RTL9: variants seen among roughly 807,000 people sequenced by gnomAD.
The protein encoded by RTL9 is retrotransposon Gag like 9.
RTL9 carries 19 observed loss-of-function variants against 44.7 expected under a neutral mutation model. That is an observed-to-expected ratio of 0.42 (90% CI 0.30 to 0.62). RTL9 has a LOEUF of 0.62. Among genes scored for constraint, RTL9 ranks in the 20% least tolerant of loss-of-function variants. RTL9 has a pLI of 0.16. For synonymous variants in RTL9, 407 were observed against 398.9 expected, an observed-to-expected ratio of 1.02 and a Z score of -0.24; for missense variants, 1,105 against 1,080.6, an observed-to-expected ratio of 1.02 and a Z score of -0.32.
chrX:110,416,602 AC>A (rs2068679311), upstream of RTL9, among the ~76,000 whole-genome samples: 1 of 111,243 alleles, frequency 9.0e-6, no homozygotes, highest in East Asian at 2.8e-4. Context: ...TTAGCATGCT[AC>A]CCCCTGTGCC....
intron 1 of RTL9, among the ~76,000 whole-genome samples, chrX:110,395,328 CAA>C (rs901267547): frequency 7.1e-5 from 8 of 112,218 alleles, no homozygotes; most frequent in African/African-American, 1.9e-4. Flanking sequence ...TCCCAGACCT[CAA>C]CTCATGTCTT....
In RTL9 at chrX:110,451,481, C is replaced by T. The variant is rs146640787; in HGVS notation, c.864C>T (p.Thr288=). 11 of 1,210,197 alleles carry T rather than the reference C, an allele frequency of 9.1e-6. No individual in the cohort carries two copies. In the African/African-American group the frequency reaches 1.9e-4, roughly 21 times the overall value. Residue 288 remains threonine (T), a synonymous_variant, in exon 1 of 2, where the codon ACC becomes ACT. Coordinates refer to ENST00000540313, the Ensembl canonical transcript of RTL9. Reference sequence around the variant, plus strand: ...GTACATCACCCCAGCCAACAAGCACCCAAAACTCTGGGGGAATACCTACCC... The same window carrying T: ...GTACATCACCCCAGCCAACAAGCACTCAAAACTCTGGGGGAATACCTACCC...
At chrX:110,436,604 G>C (rs901893952) in intron 1 of RTL9, among the ~76,000 whole-genome samples, 1 of 112,009 alleles carries the variant, frequency 8.9e-6, no homozygotes, top group Non-Finnish European at 1.9e-5. Flanking sequence ...GGAATGCAGA[G>C]AACATGCTGA....
Position 110,382,326 on chromosome X carries a change from G to GAA in RTL9, c.-168+23419_-168+23420dup, listed in dbSNP as rs367625900. On this transcript the variant is annotated intron_variant, in intron 1 of 2. Coordinates refer to the RTL9 transcript ENST00000520821. ...AATAAGCAACGTTCCAATTGTACAGGAAAAAAAAAACCCAGCAACCCAAAC... is the reference window on the plus strand; with the variant it reads ...AATAAGCAACGTTCCAATTGTACAGGAAAAAAAAAAAACCCAGCAACCCAAAC... 5.2e-3 allele frequency among the ~76,000 whole-genome samples: 546 copies of GAA among 105,479 alleles called. 3 individuals carry two copies. The highest frequency in any genetic ancestry group is 0.018 in the African/African-American group (516 of 29,124). 91.6% of individuals were successfully genotyped at this position (105,479 alleles called of 115,157 possible). A position where few individuals can be genotyped will look rare whatever the true frequency, so the allele number is the denominator to read the frequency against.
At chrX:110,377,017 C>T (rs757735246) in intron 1 of RTL9, among the ~76,000 whole-genome samples, 13 of 111,949 alleles carry the variant, frequency 1.2e-4, no homozygotes, top group Non-Finnish European at 2.4e-4. Flanking sequence ...AACTACAGCA[C>T]TGCAGTAGTG....
intron 1 of RTL9, among the ~76,000 whole-genome samples, chrX:110,410,312 G>A (rs749644199): frequency 2.7e-5 from 3 of 111,792 alleles, no homozygotes; most frequent in African/African-American, 6.5e-5. Context: ...AGGACAGAGG[G>A]CATCTTAAAG....
intron 1 of RTL9, among the ~76,000 whole-genome samples, chrX:110,380,870 T>G (rs2068413833): frequency 8.9e-6 from 1 of 112,505 alleles, no homozygotes; most frequent in Admixed American, 9.4e-5. Context: ...CAATAAATGG[T>G]GCTGGGATAA....
At chrX:110,419,750 A>G (rs1354234027) in intron 1 of RTL9, among the ~76,000 whole-genome samples, 1 of 112,556 alleles carries the variant, frequency 8.9e-6, no homozygotes, top group Non-Finnish European at 1.9e-5. Flanking sequence ...GCTAAAAGGG[A>G]AGAGTTTGTT....
At chrX:110,398,677 G>A (rs755669765) in intron 1 of RTL9, among the ~76,000 whole-genome samples, 326 of 111,887 alleles carry the variant, frequency 2.9e-3, no homozygotes, top group Non-Finnish European at 3.6e-3. Flanking sequence ...CCACCAAGTT[G>A]AATTATTTGT....
intron 1 of RTL9, among the ~76,000 whole-genome samples, chrX:110,382,953 G>A (rs1328990609): frequency 8.9e-6 from 1 of 111,945 alleles, no homozygotes; most frequent in East Asian, 2.8e-4. Context: ...TGGCCTATAA[G>A]GTACAGTAGA....
chrX:110,416,384 G>T (rs1041492473), upstream of RTL9, among the ~76,000 whole-genome samples: 1 of 112,260 alleles, frequency 8.9e-6, no homozygotes, highest in African/African-American at 3.2e-5. Context: ...CATGGTAACT[G>T]CTTTAAAAAT....
chrX:110,382,853 C>CG (rs1174418952), intron 1 of RTL9, among the ~76,000 whole-genome samples: 1 of 111,895 alleles, frequency 8.9e-6, no homozygotes, highest in Non-Finnish European at 1.9e-5. Context: ...GCCTCTAATT[C>CG]GTTTCTTCCT....
rs2068284722 is a variant in RTL9 at position 110,364,556 on chromosome X, TG to T, written c.-168+5641del. On this transcript the variant is annotated intron_variant, in intron 1 of 2. Coordinates refer to the RTL9 transcript ENST00000520821. ...GATTTATCAAGATGAATTAATAAAT[TG>T]ACATTTTGGCTTCCAAATTATTGCC... Among the ~76,000 whole-genome samples the T allele has an allele frequency of 3.6e-5, 4 of 111,607 alleles. No homozygotes were observed. The East Asian group carries it at 1.1e-3, about 32-fold the overall frequency.
exon 1 of RTL9, chrX:110,453,644 C>T (rs774437106): frequency 2.1e-5 from 25 of 1,210,465 alleles, no homozygotes; most frequent in Non-Finnish European, 2.5e-5. Context: ...CAACATATAC[C>T]GTGTCTGGAA....
At chrX:110,371,926 A>G (rs2068341517) in intron 1 of RTL9, among the ~76,000 whole-genome samples, 1 of 110,199 alleles carries the variant, frequency 9.1e-6, no homozygotes, top group Non-Finnish European at 1.9e-5. Context: ...ATTAAACTCC[A>G]CTCACTTCCC....
At chrX:110,359,395 CA>C (rs2068248205) in intron 1 of RTL9, among the ~76,000 whole-genome samples, 2 of 111,440 alleles carry the variant, frequency 1.8e-5, no homozygotes, top group South Asian at 7.6e-4. Context: ...TCATGAACGA[CA>C]TGCTCTTTTC....
exon 2 of RTL9, chrX:110,455,428 C>T: frequency 2.0e-6 from 2 of 978,124 alleles, no homozygotes; most frequent in South Asian, 2.4e-5. Flanking sequence ...TGCCTTCACC[C>T]TTCAGCCTCC....
At position 110,450,937 on chromosome X, in the gene RTL9, C is replaced by T. The variant is rs377448143; in HGVS notation, c.320C>T (p.Ala107Val). Residue 107 changes from alanine (A) to valine (V), a missense_variant, in exon 1 of 2, where the codon GCC becomes GTC. Coordinates refer to ENST00000540313, the Ensembl canonical transcript of RTL9. ...GCACTTTCCCCATTGCTAATGCCAG[C>T]CTCAGACTCTGGGGCACTGTCCCCA... The T allele has an allele frequency of 9.9e-6, 12 of 1,212,050 alleles. No individual in the cohort carries two copies. The highest frequency in any genetic ancestry group is 1.1e-5 in the Non-Finnish European group (10 of 895,551).
chrX:110,451,075 C>T (rs762351657), exon 1 of RTL9: 9 of 1,210,567 alleles, frequency 7.4e-6, no homozygotes, highest in African/African-American at 3.5e-5. Context: ...ACGATGTCCG[C>T]AACGCTAATG....
Sources: gnomAD v4.1 joint callset for allele counts (sites outside exome capture counted in the v4.1 genomes callset) on GRCh38, gnomAD v4.1.1 for gene constraint, MANE v1.5 for transcripts, NCBI Gene and HGNC (gene_info 2026-07-23, HGNC 2026-07-21) for gene names.